RBFOX1: variants seen among roughly 807,000 people sequenced by gnomAD.
RBFOX1 encodes RNA binding fox-1 homolog 1, also known as RNA binding protein fox-1 homolog 1.
RBFOX1 carries 8 observed loss-of-function variants against 57.7 expected under a neutral mutation model. The ratio of observed to expected loss-of-function variants is 0.14; its 90% CI spans 0.08 to 0.25. RBFOX1 has a LOEUF of 0.25. Ranked by LOEUF, RBFOX1 falls within the 10% of genes least tolerant of loss-of-function variation. The pLI, the probability that RBFOX1 is intolerant of heterozygous loss-of-function variation, is 1.00. For synonymous variants in RBFOX1, 326 were observed against 222.4 expected, an observed-to-expected ratio of 1.47 and a Z score of -4.15; for missense variants, 611 against 548.5, an observed-to-expected ratio of 1.11 and a Z score of -1.14.
chr16:7,150,015 C>G (rs968854519), intron 4 of RBFOX1, among the ~76,000 whole-genome samples: 1 of 152,152 alleles, frequency 6.6e-6, no homozygotes, highest in Non-Finnish European at 1.5e-5. Flanking sequence ...CACCTCTGTT[C>G]TGACTCAACA....
intron 4 of RBFOX1, among the ~76,000 whole-genome samples, chr16:7,365,302 G>C (rs574365191): frequency 4.1e-4 from 63 of 152,312 alleles, no homozygotes; most frequent in African/African-American, 1.5e-3. Flanking sequence ...TTTTGTAGCA[G>C]GGAAGAATGT....
intron 3 of RBFOX1, among the ~76,000 whole-genome samples, chr16:6,981,278 C>T (rs1243615717): frequency 6.6e-6 from 1 of 151,966 alleles, no homozygotes; most frequent in Non-Finnish European, 1.5e-5. Flanking sequence ...CCACCATTCA[C>T]CCTCCAAAAG....
At chr16:6,895,624 A>T (rs372273907) in intron 3 of RBFOX1, among the ~76,000 whole-genome samples, 1 of 151,758 alleles carries the variant, frequency 6.6e-6, no homozygotes, top group African/African-American at 2.4e-5. Flanking sequence ...AAAAAAATGG[A>T]GAGTCATAGA....
chr16:6,562,702 G>C (rs1420188261), intron 2 of RBFOX1, among the ~76,000 whole-genome samples: 6 of 152,264 alleles, frequency 3.9e-5, no homozygotes. Flanking sequence ...GTGAAACAGT[G>C]ATTTATGAAA....
intron 3 of RBFOX1, among the ~76,000 whole-genome samples, chr16:6,755,187 C>T (rs1163697374): frequency 6.6e-6 from 1 of 152,162 alleles, no homozygotes; most frequent in African/African-American, 2.4e-5. Flanking sequence ...GTCTTTATAG[C>T]AGCATGATTT....
At chr16:6,639,006 C>T (rs1766432711) in intron 2 of RBFOX1, among the ~76,000 whole-genome samples, 1 of 152,156 alleles carries the variant, frequency 6.6e-6, no homozygotes, top group African/African-American at 2.4e-5. Context: ...CAAGTGAATC[C>T]TGAAAGTATC....
At chr16:6,618,496 C>T (rs1449005831) in intron 2 of RBFOX1, among the ~76,000 whole-genome samples, 3 of 152,196 alleles carry the variant, frequency 2.0e-5, no homozygotes, top group Non-Finnish European at 4.4e-5. Context: ...GTTCATTATA[C>T]ATTTACCACT....
chr16:7,600,439 A>G (rs547420594), intron 9 of RBFOX1, among the ~76,000 whole-genome samples: 3 of 152,306 alleles, frequency 2.0e-5, no homozygotes, highest in South Asian at 2.1e-4. Flanking sequence ...GCAATACAAT[A>G]TAACTGAAAA....
chr16:6,470,215 A>T (rs894200433), intron 2 of RBFOX1, among the ~76,000 whole-genome samples: 2 of 152,136 alleles, frequency 1.3e-5, no homozygotes, highest in African/African-American at 2.4e-5. Flanking sequence ...ATGTCCCTTT[A>T]TGTCCTGTCT....
At position 6,780,210 on chromosome 16, in the gene RBFOX1, T is replaced by C. The variant is rs1428395258; in HGVS notation, c.-16+125560T>C. On this transcript the variant is annotated intron_variant, in intron 3 of 15. Coordinates refer to ENST00000550418, the MANE Select transcript of RBFOX1 (RefSeq NM_018723.4). ...ATATATTTATATATTTTTATATATT[T>C]ATATATATTTATATATATATTTATA... Among the ~76,000 whole-genome samples, 6 of 30,996 alleles carry C rather than the reference T, an allele frequency of 1.9e-4. 1 individual carries two copies. Among genetic ancestry groups the C allele is most frequent in the African/African-American group, 1.3e-3 (6 of 4,628 alleles). The allele number at this position is 30,996 out of a possible 152,430, so 20.3% of individuals were successfully genotyped here. A position where few individuals can be genotyped will look rare whatever the true frequency, so the allele number is the denominator to read the frequency against.
intron 3 of RBFOX1, among the ~76,000 whole-genome samples, chr16:6,725,760 C>A (rs964889915): frequency 6.6e-6 from 1 of 152,088 alleles, no homozygotes; most frequent in South Asian, 2.1e-4. Context: ...ATAAATGAAC[C>A]AAAAATGTTG....
chr16:6,170,082 T>G (rs2096948560), intron 1 of RBFOX1, among the ~76,000 whole-genome samples: 1 of 152,152 alleles, frequency 6.6e-6, no homozygotes, highest in Non-Finnish European at 1.5e-5. Flanking sequence ...AGGTTGCGGT[T>G]TGTCCACAAG....
chr16:6,834,874 A>G (rs1349450883), intron 3 of RBFOX1, among the ~76,000 whole-genome samples: 1 of 146,952 alleles, frequency 6.8e-6, no homozygotes, highest in African/African-American at 2.5e-5. Context: ...AATTAACTTC[A>G]AAGGCCTGAC....
intron 1 of RBFOX1, among the ~76,000 whole-genome samples, chr16:5,344,526 C>T (rs773311352): frequency 1.3e-5 from 2 of 152,186 alleles, no homozygotes; most frequent in Admixed American, 6.5e-5. Context: ...GTTCAGTGCC[C>T]TGTGATACTT....
chr16:6,405,526 A>G (rs974066540), intron 2 of RBFOX1, among the ~76,000 whole-genome samples: 1 of 152,204 alleles, frequency 6.6e-6, no homozygotes, highest in Non-Finnish European at 1.5e-5. Context: ...ATTGTACACC[A>G]GCTGATCCAT....
chr16:6,296,206 C>A (rs1311984780), intron 1 of RBFOX1, among the ~76,000 whole-genome samples: 1 of 152,134 alleles, frequency 6.6e-6, no homozygotes, highest in Non-Finnish European at 1.5e-5. Context: ...TCATCCATTC[C>A]CCAGACACTG....
chr16:5,886,976 A>G (rs2057915154), intron 4 of RBFOX1, among the ~76,000 whole-genome samples: 1 of 152,184 alleles, frequency 6.6e-6, no homozygotes, highest in Non-Finnish European at 1.5e-5. Flanking sequence ...CACTATTGAC[A>G]TTCTGGGCCA....
chr16:7,098,239 G>A (rs903943248), intron 4 of RBFOX1, among the ~76,000 whole-genome samples: 1 of 152,164 alleles, frequency 6.6e-6, no homozygotes, highest in African/African-American at 2.4e-5. Flanking sequence ...GCACGATCTT[G>A]GCCCATTACA....
chr16:7,193,058 T>C (rs9928482), intron 4 of RBFOX1, among the ~76,000 whole-genome samples: 28,901 of 152,118 alleles, frequency 0.19, 2,977 homozygotes, highest in East Asian at 0.37. Flanking sequence ...TGTGAGCATG[T>C]TGGGTTACAC....
Sources: allele counts gnomAD v4.1 joint callset (sites outside exome capture counted in the v4.1 genomes callset), GRCh38; gene constraint gnomAD v4.1.1; transcripts MANE v1.5; gene names NCBI Gene and HGNC (gene_info 2026-07-23, HGNC 2026-07-21).